SLC2A14: variants seen among roughly 807,000 people sequenced by gnomAD.
The protein encoded by SLC2A14 is solute carrier family 2, facilitated glucose transporter member 14.
In SLC2A14, 13 loss-of-function variants were observed where a neutral mutation model predicts 43.0. The observed-to-expected ratio is 0.30, with a 90% confidence interval of 0.20 to 0.48. The LOEUF (loss-of-function observed/expected upper bound fraction) is 0.48, where lower values mean the gene tolerates loss of function less well. Ranked by LOEUF, SLC2A14 falls within the 20% of genes least tolerant of loss-of-function variation. The pLI, the probability that SLC2A14 is intolerant of heterozygous loss-of-function variation, is 0.99. For missense variants in SLC2A14, 428 were observed against 620.4 expected, an observed-to-expected ratio of 0.69 and a Z score of 3.29; for synonymous variants, 190 against 233.8, an observed-to-expected ratio of 0.81 and a Z score of 1.71.
At chr12:7,827,347 C>T (rs1382431616) in intron 7 of SLC2A14, 148 bp downstream of exon 7, 2 of 1,085,408 alleles carry the variant, frequency 1.8e-6, no homozygotes, top group Non-Finnish European at 2.6e-6. Context: ...GCAATCTCAG[C>T]TCACTGCAAC....
Position 7,878,683 on chromosome 12 carries a change from T to A in SLC2A14, c.132+12313A>T, listed in dbSNP as rs142377535. On this transcript the variant is annotated intron_variant, in intron 1 of 9. Transcript: ENST00000539924. ...TCTTTCTCAAGTAAAATGAATGTATTAATATGGAAATTGAGCCAGGTGGGG... is the reference window on the plus strand; with the variant it reads ...TCTTTCTCAAGTAAAATGAATGTATAAATATGGAAATTGAGCCAGGTGGGG... 1.5e-3 allele frequency among the ~76,000 whole-genome samples: 233 copies of A among 152,034 alleles called. 1 individual carries two copies. Among genetic ancestry groups the A allele is most frequent in the African/African-American group, 4.9e-3 (202 of 41,488 alleles).
intron 7 of SLC2A14, among the ~76,000 whole-genome samples, chr12:7,825,925 T>C (rs1163915980): frequency 1.3e-5 from 2 of 151,962 alleles, no homozygotes; most frequent in African/African-American, 4.8e-5. Context: ...CAGACTGTGG[T>C]GAGGCAGCTA....
chr12:7,843,096 C>G (rs1023631604), intron 2 of SLC2A14, among the ~76,000 whole-genome samples: 2 of 152,012 alleles, frequency 1.3e-5, no homozygotes, highest in Non-Finnish European at 2.9e-5. Context: ...TATCCATCTC[C>G]TCAAGCATTT....
intron 2 of SLC2A14, chr12:7,863,341 G>A (rs1592287309): frequency 4.4e-6 from 2 of 452,166 alleles, no homozygotes; most frequent in Admixed American, 2.4e-5. Context: ...GACTCCAGAC[G>A]CACCACTTTA....
intron 2 of SLC2A14, among the ~76,000 whole-genome samples, chr12:7,857,890 A>C (rs1478745883): frequency 6.6e-6 from 1 of 152,028 alleles, no homozygotes; most frequent in African/African-American, 2.4e-5. Context: ...TTGGGAGGCC[A>C]AGGCAGGAGG....
intron 2 of SLC2A14, among the ~76,000 whole-genome samples, chr12:7,861,242 C>T (rs1369292342): frequency 1.3e-5 from 2 of 151,860 alleles, no homozygotes; most frequent in Admixed American, 6.6e-5. Flanking sequence ...GAGCAATAGT[C>T]TTTTTTTTGG....
intron 2 of SLC2A14, among the ~76,000 whole-genome samples, chr12:7,850,558 G>T (rs868223994): frequency 1.2e-4 from 18 of 152,160 alleles, no homozygotes; most frequent in African/African-American, 4.1e-4. Context: ...ACCACACCCG[G>T]CTAATGTTTG....
intron 3 of SLC2A14, among the ~76,000 whole-genome samples, chr12:7,832,447 A>G (rs1865118899): frequency 6.6e-6 from 1 of 152,072 alleles, no homozygotes; most frequent in Admixed American, 6.6e-5. Flanking sequence ...TGACCCCACT[A>G]ATTTTCCCCA....
chr12:7,866,025 T>C (rs1220155698), intron 2 of SLC2A14, among the ~76,000 whole-genome samples: 1 of 152,002 alleles, frequency 6.6e-6, no homozygotes, highest in Non-Finnish European at 1.5e-5. Context: ...GAGACCATCC[T>C]GGCCAACATG....
intron 1 of SLC2A14, among the ~76,000 whole-genome samples, chr12:7,884,834 AG>A (rs1487811927): frequency 6.6e-6 from 1 of 152,152 alleles, no homozygotes; most frequent in African/African-American, 2.4e-5. Context: ...TAGACTTACT[AG>A]GAGTTAAAAA....
chr12:7,827,039 TC>T (rs1331899347), intron 7 of SLC2A14, among the ~76,000 whole-genome samples: 3 of 144,932 alleles, frequency 2.1e-5, no homozygotes, highest in African/African-American at 7.9e-5. Flanking sequence ...TCTCTCTTTC[TC>T]TCCTTTCTCT....
rs764767556 is a variant in SLC2A14 at position 7,871,898 on chromosome 12, T to G, written c.-58+909A>C. On this transcript the variant is annotated intron_variant, in intron 1 of 10. Coordinates refer to ENST00000431042, the MANE Select transcript of SLC2A14 (RefSeq NM_001286234.2). ...CCAGAGCAGCCACCCATCGTGGGAG[T>G]GTGCTCAAGAAGCCATCTGTCCCAG... 3.0e-6 allele frequency: 3 copies of G among 983,792 alleles called. No individual in the cohort carries two copies. The African/African-American group carries it at 5.3e-5, about 17-fold the overall frequency. The allele number at this position is 983,792 out of a possible 1,614,324, so 60.9% of individuals were successfully genotyped here.
At chr12:7,836,875 A>G (rs928439830) in intron 2 of SLC2A14, among the ~76,000 whole-genome samples, 2 of 151,932 alleles carry the variant, frequency 1.3e-5, no homozygotes, top group Non-Finnish European at 2.9e-5. Context: ...AAAAAATAAA[A>G]AGAAACATAT....
At chr12:7,848,302 G>A (rs1866623235) in intron 2 of SLC2A14, among the ~76,000 whole-genome samples, 2 of 152,016 alleles carry the variant, frequency 1.3e-5, no homozygotes, top group South Asian at 4.1e-4. Context: ...CCAGGAATAT[G>A]TCCCTTAGAC....
chr12:7,874,810 ACGTATT>A (rs1294466157), upstream of SLC2A14, among the ~76,000 whole-genome samples: 21,938 of 44,030 alleles, frequency 0.5, 3,578 homozygotes, highest in South Asian at 0.6. Context: ...ATATATAAAT[ACGTATT>A]TATATATAAA....
At chr12:7,874,297 T>G (rs765331978), upstream of SLC2A14, among the ~76,000 whole-genome samples, 2 of 152,052 alleles carry the variant, frequency 1.3e-5, no homozygotes, top group Non-Finnish European at 1.5e-5. Context: ...AGGTATACAC[T>G]CAACAGAAAT....
At chr12:7,876,303 A>AAG (rs1565586284), upstream of SLC2A14, among the ~76,000 whole-genome samples, 44 of 133,690 alleles carry the variant, frequency 3.3e-4, no homozygotes, top group African/African-American at 1.2e-3. Context: ...AAAAAAAAAA[A>AAG]AGAGAGACAA....
intron 2 of SLC2A14, among the ~76,000 whole-genome samples, chr12:7,850,542 T>C (rs796827333): frequency 1.1e-4 from 17 of 152,094 alleles, no homozygotes; most frequent in African/African-American, 3.9e-4. Flanking sequence ...ATTACAGGCG[T>C]GCACCACCAC....
At chr12:7,881,437 C>A (rs1412252255) in intron 1 of SLC2A14, among the ~76,000 whole-genome samples, 4 of 152,000 alleles carry the variant, frequency 2.6e-5, no homozygotes, top group African/African-American at 7.2e-5. Context: ...CCAGCGGCTG[C>A]GGAGGGTGTG....
Sources: gnomAD v4.1 joint callset for allele counts (sites outside exome capture counted in the v4.1 genomes callset) on GRCh38, gnomAD v4.1.1 for gene constraint, MANE v1.5 for transcripts, NCBI Gene and HGNC (gene_info 2026-07-23, HGNC 2026-07-21) for gene names.